The following SCFD2 variants were observed in gnomAD, a reference collection of about 807,000 sequenced individuals.
The protein encoded by SCFD2 is sec1 family domain containing 2, also known as sec1 family domain-containing protein 2.
A neutral mutation model predicts 58.9 loss-of-function variants in SCFD2; 54 were observed. The ratio of observed to expected loss-of-function variants is 0.92; its 90% CI spans 0.74 to 1.15. SCFD2 has a LOEUF of 1.15. Ranked by LOEUF, SCFD2 falls within the 50% of genes most tolerant of loss-of-function variation. The pLI is 0.00. For synonymous variants in SCFD2, 321 were observed against 335.9 expected (o/e 0.96, Z 0.49); for missense variants, 805 against 836.6 (o/e 0.96, Z 0.47).
chr4:53,365,881 C>A lies in SCFD2; in HGVS notation c.61G>T (p.Val21Leu). 1.2e-6 allele frequency: 2 copies of A among 1,606,284 alleles called. No homozygotes were observed. The highest frequency in any genetic ancestry group is 1.7e-6 in the Non-Finnish European group (2 of 1,178,184). Residue 21 changes from valine to leucine, a missense_variant, in exon 1 of 9, where the codon GTG becomes TTG. Transcript: ENST00000401642. The surrounding 1 kb of genome is among the most constrained non-coding windows in gnomAD (Gnocchi z 4.3). Reference protein sequence around the residue: ...QQGWEQVLAKVKRAVVYLDAA... With the variant: ...QQGWEQVLAKLKRAVVYLDAA... ...TCCAGGTAAACCACAGCCCGTTTCA[C>A]TTTGGCCAGCACCTGCTCCCATCCT...
At position 53,010,353 on chromosome 4, in the gene SCFD2, G is replaced by A. The variant is rs576597293; in HGVS notation, c.1562-89483C>T. On this transcript the variant is annotated intron_variant, in intron 5 of 8. Transcript: ENST00000401642. ...GCTTTGTACTGCTTCTTCAAGATAC[G>A]ACAAAAATTTATATTCAAAACGTGA... Among the ~76,000 whole-genome samples the A allele has an allele frequency of 6.5e-4, 99 of 152,182 alleles. 1 individual carries two copies. The highest frequency in any genetic ancestry group is 1.2e-3 in the Non-Finnish European group (82 of 68,010).
intron 2 of SCFD2, among the ~76,000 whole-genome samples, chr4:53,315,274 A>C (rs1313442302): frequency 5.3e-5 from 8 of 151,880 alleles, no homozygotes; most frequent in Non-Finnish European, 8.8e-5. Flanking sequence ...GCCTTCAAGA[A>C]AGATATAAAA....
chr4:53,363,391 TGC>T (rs1560466560), intron 1 of SCFD2, among the ~76,000 whole-genome samples: 11 of 152,018 alleles, frequency 7.2e-5, no homozygotes, highest in Non-Finnish European at 1.5e-5. Context: ...TCAAGCAGTC[TGC>T]CCCCCTCAGC....
chr4:53,294,443 T>C (rs1731950990), intron 3 of SCFD2, among the ~76,000 whole-genome samples: 1 of 152,252 alleles, frequency 6.6e-6, no homozygotes, highest in Admixed American at 6.5e-5. Flanking sequence ...AGGTCTTCTT[T>C]TGAGAAGTGT....
chr4:53,356,035 G>C (rs1734391837), intron 1 of SCFD2, among the ~76,000 whole-genome samples: 1 of 152,188 alleles, frequency 6.6e-6, no homozygotes, highest in Admixed American at 6.5e-5. Flanking sequence ...CAATATGTCA[G>C]CTGGGGCTGC....
rs191871885 is a variant in SCFD2 at position 53,216,901 on chromosome 4, G to T, written c.1311+56925C>A. Among the ~76,000 whole-genome samples the T allele has an allele frequency of 4.9e-4, 75 of 152,248 alleles. 1 individual carries two copies. The highest frequency in any genetic ancestry group is 2.6e-3 in the Admixed American group (40 of 15,290). ...TTTATTTCTGCCTTCATTTCGTTAT[G>T]TACCCAGTAGTCATTCAGGAGCAGG... On this transcript the variant is annotated intron_variant, in intron 4 of 8. Transcript: ENST00000401642.
At chr4:53,024,753 C>T (rs989843225) in intron 5 of SCFD2, among the ~76,000 whole-genome samples, 5 of 150,000 alleles carry the variant, frequency 3.3e-5, no homozygotes, top group Admixed American at 2.0e-4. Context: ...TTCAGCTAAC[C>T]CATGGGATGA....
chr4:53,211,883 T>G (rs190069955), intron 4 of SCFD2, among the ~76,000 whole-genome samples: 97 of 152,184 alleles, frequency 6.4e-4, no homozygotes, highest in Non-Finnish European at 1.2e-3. Context: ...CACAATAACA[T>G]TCAAGAATGT....
At chr4:52,927,433 A>G (rs1719889822) in intron 5 of SCFD2, among the ~76,000 whole-genome samples, 1 of 152,238 alleles carries the variant, frequency 6.6e-6, no homozygotes, top group South Asian at 2.1e-4. Context: ...AGACACCTGC[A>G]GCACAATCTG....
At chr4:52,958,641 G>C (rs557488964) in intron 5 of SCFD2, among the ~76,000 whole-genome samples, 1 of 152,246 alleles carries the variant, frequency 6.6e-6, no homozygotes, top group East Asian at 1.9e-4. Context: ...GCTCTCGGAG[G>C]AGCGACTCTA....
intron 4 of SCFD2, among the ~76,000 whole-genome samples, chr4:53,269,823 G>A (rs551155565): frequency 9.9e-5 from 15 of 152,140 alleles, no homozygotes; most frequent in Admixed American, 1.3e-4. Context: ...TCAGAAGTTC[G>A]AGACCAGCAT....
intron 4 of SCFD2, among the ~76,000 whole-genome samples, chr4:53,175,384 C>T (rs1727297790): frequency 1.3e-5 from 2 of 152,046 alleles, no homozygotes; most frequent in Non-Finnish European, 2.9e-5. Flanking sequence ...AAAAATCCTA[C>T]TAAATTTAAA....
At chr4:53,036,775 T>C (rs1027299194) in intron 5 of SCFD2, among the ~76,000 whole-genome samples, 6 of 152,144 alleles carry the variant, frequency 3.9e-5, no homozygotes, top group African/African-American at 1.4e-4. Context: ...CAAACCACCA[T>C]GGCACATGTA....
intron 5 of SCFD2, chr4:52,949,430 C>T (rs1720529578): frequency 2.0e-5 from 3 of 152,182 alleles, no homozygotes; most frequent in Admixed American, 2.0e-4. Context: ...TCTCCCACAG[C>T]CATTTGTAGC....
At chr4:53,236,774 ATC>A (rs1409469929) in intron 4 of SCFD2, among the ~76,000 whole-genome samples, 1 of 150,572 alleles carries the variant, frequency 6.6e-6, no homozygotes, top group Non-Finnish European at 1.5e-5. Flanking sequence ...AACTAGGATA[ATC>A]TGTCATGATT....
At position 52,904,411 on chromosome 4, in the gene SCFD2, C is replaced by T. The variant is rs148438160; in HGVS notation, c.1842+3046G>A. Among the ~76,000 whole-genome samples the T allele has an allele frequency of 1.5e-3, 226 of 152,276 alleles. 1 individual carries two copies. The highest frequency in any genetic ancestry group is 5.0e-3 in the African/African-American group (207 of 41,536). On this transcript the variant is annotated intron_variant, in intron 7 of 8. Coordinates refer to ENST00000401642, the MANE Select transcript of SCFD2 (RefSeq NM_152540.4). ...CAGAGGAACAGAGCAGAGCAGCAAG[C>T]GACAAGAAAGAAATGAGCAATAACT...
At chr4:53,118,775 C>G (rs1010271242) in intron 5 of SCFD2, among the ~76,000 whole-genome samples, 3 of 152,248 alleles carry the variant, frequency 2.0e-5, no homozygotes, top group African/African-American at 7.2e-5. Flanking sequence ...GAAGACTTCC[C>G]TCCCTGCTTC....
At chr4:52,941,834 G>C in intron 5 of SCFD2, among the ~76,000 whole-genome samples, 1 of 152,336 alleles carries the variant, frequency 6.6e-6, no homozygotes, top group East Asian at 1.9e-4. Context: ...CGGACCAGAA[G>C]TGTTTCAGAT....
chr4:53,226,512 A>T (rs1489376339), intron 4 of SCFD2, among the ~76,000 whole-genome samples: 1 of 152,172 alleles, frequency 6.6e-6, no homozygotes, highest in Non-Finnish European at 1.5e-5. Context: ...TAACTTAATC[A>T]AATTATTTAA....
Sources: allele counts gnomAD v4.1 joint callset (sites outside exome capture counted in the v4.1 genomes callset), GRCh38; gene constraint gnomAD v4.1.1; non-coding constraint Gnocchi (gnomAD v3.1); transcripts MANE v1.5; gene names NCBI Gene and HGNC (gene_info 2026-07-23, HGNC 2026-07-21).